Variants in FADS1 observed in about 807,000 individuals in gnomAD.
The protein encoded by FADS1 is acyl-CoA (8-3)-desaturase.
A neutral mutation model predicts 61.6 loss-of-function variants in FADS1; 17 were observed. The observed-to-expected ratio is 0.28, with a 90% CI of 0.19 to 0.41. The LOEUF is 0.41. Among genes scored for constraint, FADS1 ranks in the 10% least tolerant of loss-of-function variants. The pLI is 1.00. For synonymous variants in FADS1, 238 were observed against 258.7 expected (o/e 0.92, Z 0.77); for missense variants, 387 against 650.9 (o/e 0.59, Z 4.41).
Position 61,816,374 on chromosome 11 carries a change from C to G in FADS1, c.375+181G>C. Reference sequence around the variant, plus strand: ...CCCCAGACTCCACTTCTCCAGGCCTCTCTCCCGCCTTTTCATCCCGCATCC... The same window carrying G: ...CCCCAGACTCCACTTCTCCAGGCCTGTCTCCCGCCTTTTCATCCCGCATCC... On this transcript the variant is annotated intron_variant, in intron 1 of 11. Coordinates refer to ENST00000350997, the MANE Select transcript of FADS1 (RefSeq NM_013402.7). The surrounding 1 kb of genome is among the most constrained non-coding windows in gnomAD (Gnocchi z 7.0). 6.3e-7 allele frequency: 1 copy of G among 1,598,502 alleles called. No homozygotes were observed. Among genetic ancestry groups the G allele is most frequent in the Non-Finnish European group, 8.5e-7 (1 of 1,179,812 alleles).
At chr11:61,813,494 G>C in intron 1 of FADS1, 141 bp from the exon 2 acceptor site, 1 of 624,576 alleles carries the variant, frequency 1.6e-6, no homozygotes, top group Non-Finnish European at 2.9e-6. Flanking sequence ...GGACTTCCTG[G>C]GTCGAGTGCA....
intron 7 of FADS1, 52 bp downstream of exon 7, chr11:61,804,633 A>G: frequency 6.6e-7 from 1 of 1,517,682 alleles, no homozygotes. Context: ...CCTATCCCCC[A>G]CTCTGGGTGC....
chr11:61,812,638 G>T lies in FADS1; in HGVS notation c.517C>A (p.Arg173=). The T allele has an allele frequency of 6.2e-7, 1 of 1,614,088 alleles. No individual in the cohort carries two copies. The highest frequency in any genetic ancestry group is 8.5e-7 in the Non-Finnish European group (1 of 1,180,006). The change falls in exon 3 of 12, where the codon CGG becomes AGG. Residue 173 remains arginine (R), a synonymous_variant. Transcript: ENST00000350997. The stretch of plus-strand genomic sequence containing the variant: ...AGCCCCATCCGCTCCACTGTGGCCC[G>T]CAGCTCCCGGAACTCATCTGTCAGC... ...KELTDEFREL[R]ATVERMGLMK...
intron 5 of FADS1, 27 bp from the exon 6 acceptor site, chr11:61,806,751 A>T: frequency 1.2e-6 from 2 of 1,607,756 alleles, no homozygotes; most frequent in Non-Finnish European, 1.7e-6. Context: ...ACACATGAGC[A>T]TTCGGAGACC....
In FADS1 at chr11:61,816,660, C is replaced by T; in HGVS notation, c.270G>A (p.Glu90=). ...DEVAQRSGCE[E]RWLVIDRKVY... is the part of the protein sequence containing the mutation. Reference sequence around the variant, plus strand: ...CCTTACGGTCGATCACTAGCCACCGCTCCTCGCACCCTGAGCGCTGGGCCA... The same window carrying T: ...CCTTACGGTCGATCACTAGCCACCGTTCCTCGCACCCTGAGCGCTGGGCCA... The change falls in exon 1 of 12, where the codon GAG becomes GAA. Residue 90 remains glutamate (E), a synonymous_variant. Coordinates refer to ENST00000350997, the MANE Select transcript of FADS1 (RefSeq NM_013402.7). This position sits in a 1 kb window ranked among gnomAD's most constrained non-coding sequence, Gnocchi z 7.0. 2 of 1,599,616 alleles carry T rather than the reference C, an allele frequency of 1.3e-6. No homozygotes were observed. Among genetic ancestry groups the T allele is most frequent in the South Asian group, 1.1e-5 (1 of 88,832 alleles).
At chr11:61,813,927 C>T (rs1446995024) in intron 1 of FADS1, among the ~76,000 whole-genome samples, 1 of 149,732 alleles carries the variant, frequency 6.7e-6, no homozygotes, top group Non-Finnish European at 1.5e-5. Flanking sequence ...CGAGATCGCG[C>T]CACTGCACTC....
intron 2 of FADS1, 23 bp from the exon 3 acceptor site, chr11:61,812,691 G>T: frequency 1.9e-6 from 3 of 1,604,248 alleles, no homozygotes; most frequent in Non-Finnish European, 1.7e-6. Context: ...AAGAGGAGCT[G>T]TTATTCTTCT....
intron 5 of FADS1, among the ~76,000 whole-genome samples, chr11:61,809,061 T>A (rs909043972): frequency 1.3e-5 from 2 of 152,214 alleles, no homozygotes; most frequent in African/African-American, 4.8e-5. Context: ...CTACATGATC[T>A]GGCCCCTCCC....
In FADS1 at chr11:61,803,310, A is replaced by C; in HGVS notation, c.1248+53T>G. On this transcript the variant is annotated intron_variant, in intron 9 of 11. Transcript: ENST00000350997. This position sits in a 1 kb window ranked among gnomAD's most constrained non-coding sequence, Gnocchi z 4.3. ...TTGTTTTTGCTGTTTTCACCTACGCATCCTTTTCAATAGTTGTGTTATGCT... is the reference window on the plus strand; with the variant it reads ...TTGTTTTTGCTGTTTTCACCTACGCCTCCTTTTCAATAGTTGTGTTATGCT... The C allele has an allele frequency of 6.8e-7, 1 of 1,477,932 alleles. No individual in the cohort carries two copies. Among genetic ancestry groups the C allele is most frequent in the East Asian group, 2.3e-5 (1 of 44,206 alleles). 91.6% of individuals were successfully genotyped at this position (1,477,932 alleles called of 1,614,324 possible).
intron 3 of FADS1, among the ~76,000 whole-genome samples, chr11:61,811,430 G>A (rs2066930316): frequency 6.6e-6 from 1 of 151,888 alleles, no homozygotes; most frequent in Non-Finnish European, 1.5e-5. Flanking sequence ...AGCCTCCCAA[G>A]TAGCTGGGAT....
intron 2 of FADS1, 49 bp downstream of exon 2, chr11:61,813,192 CTG>C: frequency 9.1e-7 from 1 of 1,095,814 alleles, no homozygotes; most frequent in South Asian, 1.2e-5. Context: ...CACCCCCTCT[CTG>C]TCCCCCTCAA....
At chr11:61,808,723 A>G (rs943001185) in intron 5 of FADS1, among the ~76,000 whole-genome samples, 16 of 152,158 alleles carry the variant, frequency 1.1e-4, no homozygotes, top group African/African-American at 3.6e-4. Context: ...TTCCTCAGTT[A>G]ATGTTGCTCG....
At chr11:61,811,669 A>G in intron 3 of FADS1, 1 of 274,630 alleles carries the variant, frequency 3.6e-6, no homozygotes, top group South Asian at 2.9e-5. Context: ...GGCTCACTGC[A>G]ACCTTCGCTT....
Position 61,811,044 on chromosome 11 carries a change from C to T in FADS1, c.716G>A (p.Gly239Glu), listed in dbSNP as rs752093425. 6.2e-7 allele frequency: 1 copy of T among 1,613,952 alleles called. No homozygotes were observed. The highest frequency in any genetic ancestry group is 1.1e-5 in the South Asian group (1 of 91,072). The change falls in exon 4 of 12, where the codon GGG becomes GAG. Residue 239 changes from glycine to glutamate, a missense_variant. Gly to Glu is a moderately conservative substitution (Grantham distance 98). Coordinates refer to ENST00000350997, the MANE Select transcript of FADS1 (RefSeq NM_013402.7). Reference protein sequence around the residue: ...AQAGWLQHDFGHLSVFSTSKW... With the variant: ...AQAGWLQHDFEHLSVFSTSKW... Reference sequence around the variant, plus strand: ...TGAGGTGCTGAAGACCGACAGGTGCCCAAAGTCATGCTGCAGCCAGCCAGC... The same window carrying T: ...TGAGGTGCTGAAGACCGACAGGTGCTCAAAGTCATGCTGCAGCCAGCCAGC...
chr11:61,812,405 C>T, intron 3 of FADS1, 66 bp downstream of exon 3: 2 of 1,506,198 alleles, frequency 1.3e-6, no homozygotes. Context: ...CTTCCTCAAA[C>T]ACCCAAGGAG....
At chr11:61,809,222 C>T (rs553527835) in intron 5 of FADS1, among the ~76,000 whole-genome samples, 3 of 152,272 alleles carry the variant, frequency 2.0e-5, no homozygotes, top group Admixed American at 6.5e-5. Flanking sequence ...GTTCAGATGT[C>T]GGCACCCGAA....
chr11:61,802,589 T>C lies in FADS1; in HGVS notation c.1455-127A>G. 1 of 1,229,156 alleles carries C rather than the reference T, an allele frequency of 8.1e-7. No individual in the cohort carries two copies. The highest frequency in any genetic ancestry group is 1.2e-6 in the Non-Finnish European group (1 of 861,652). The allele number at this position is 1,229,156 out of a possible 1,614,324, so 76.1% of individuals were successfully genotyped here. A position where few individuals can be genotyped will look rare whatever the true frequency, so the allele number is the denominator to read the frequency against. ...TCCTCCCCTCTACTTTAGAGAAAGC[T>C]AGCTTGGGCCATGGTACTGAGGGGA... On this transcript the variant is annotated intron_variant, in intron 11 of 11. Coordinates refer to ENST00000350997, the MANE Select transcript of FADS1 (RefSeq NM_013402.7). This position sits in a 1 kb window ranked among gnomAD's most constrained non-coding sequence, Gnocchi z 4.2.
At position 61,803,659 on chromosome 11, in the gene FADS1, C is replaced by T. The variant is rs558710593; in HGVS notation, c.1151+11G>A. On this transcript the variant is annotated intron_variant, in intron 8 of 11. Coordinates refer to ENST00000350997, the MANE Select transcript of FADS1 (RefSeq NM_013402.7). This position sits in a 1 kb window ranked among gnomAD's most constrained non-coding sequence, Gnocchi z 4.3. ...CTTCACCAGTCCCTATCCGCCCCCA[C>T]CGAATACTACCTGACTATGAAGAAA... The T allele has an allele frequency of 1.9e-6, 3 of 1,602,424 alleles. No homozygotes were observed. Among genetic ancestry groups the T allele is most frequent in the African/African-American group, 1.3e-5 (1 of 74,806 alleles).
intron 2 of FADS1, 42 bp from the exon 3 acceptor site, chr11:61,812,710 C>T: frequency 6.4e-7 from 1 of 1,563,456 alleles, no homozygotes; most frequent in Non-Finnish European, 8.7e-7. Flanking sequence ...CTCATCTGCA[C>T]CCCAATGCTA....
Sources: gnomAD v4.1 joint callset for allele counts (sites outside exome capture counted in the v4.1 genomes callset) on GRCh38, gnomAD v4.1.1 for gene constraint, Gnocchi (gnomAD v3.1) non-coding constraint, MANE v1.5 for transcripts, NCBI Gene and HGNC (gene_info 2026-07-23, HGNC 2026-07-21) for gene names.